Variants in MCC observed in about 807,000 individuals in gnomAD.
MCC encodes the protein colorectal mutant cancer protein.
MCC carries 90 observed loss-of-function variants against 116.2 expected under a neutral mutation model. The ratio of observed to expected loss-of-function variants is 0.77; its 90% CI spans 0.65 to 0.92. MCC has a LOEUF of 0.92. Ranked by LOEUF, MCC falls within the 40% of genes least tolerant of loss-of-function variation. MCC has a pLI of 0.00. For synonymous variants in MCC, 578 were observed against 510.5 expected (o/e 1.13, Z -1.78); for missense variants, 1,516 against 1,312.2 (o/e 1.16, Z -2.40).
intron 3 of MCC, among the ~76,000 whole-genome samples, chr5:113,171,622 T>C (rs1161731233): frequency 6.6e-6 from 1 of 152,112 alleles, no homozygotes; most frequent in Non-Finnish European, 1.5e-5. Context: ...TCTGAAATGC[T>C]GAGATTAGGG....
At chr5:113,485,429 T>C (rs574114979) in intron 1 of MCC, among the ~76,000 whole-genome samples, 10 of 152,352 alleles carry the variant, frequency 6.6e-5, no homozygotes, top group East Asian at 3.9e-4. Flanking sequence ...AGTTGAATTA[T>C]ATGCTTCCTC....
chr5:113,052,727 TG>T lies in MCC; in HGVS notation c.2448+997del, dbSNP rs1752566773. ...AACTCTGCACTGCCACGACCTGCTC[TG>T]GCTTGCTAGACTCCAGTTCCTGACC... On this transcript the variant is annotated intron_variant, in intron 15 of 18. Transcript: ENST00000408903. Among the ~76,000 whole-genome samples, 3 of 152,326 alleles carry T rather than the reference TG, an allele frequency of 2.0e-5. No individual in the cohort carries two copies. The South Asian group carries it at 6.2e-4, about 32-fold the overall frequency.
chr5:113,297,458 C>G (rs565556693), intron 3 of MCC, among the ~76,000 whole-genome samples: 1 of 151,898 alleles, frequency 6.6e-6, no homozygotes, highest in African/African-American at 2.4e-5. Context: ...CCCAGCTACT[C>G]GGGAGGCTGA....
At chr5:113,051,596 A>C (rs1209100290) in intron 15 of MCC, among the ~76,000 whole-genome samples, 2 of 152,036 alleles carry the variant, frequency 1.3e-5, no homozygotes, top group Non-Finnish European at 1.5e-5. Context: ...AGGGCAGTGC[A>C]TTCCTGTAGT....
At chr5:113,178,563 C>T (rs1410165138) in intron 3 of MCC, among the ~76,000 whole-genome samples, 1 of 152,192 alleles carries the variant, frequency 6.6e-6, no homozygotes, top group East Asian at 1.9e-4. Context: ...ATTTCCTCCT[C>T]ACCCCCAAGT....
intron 3 of MCC, among the ~76,000 whole-genome samples, chr5:113,264,997 C>T (rs74395177): frequency 0.021 from 3,134 of 152,170 alleles, 36 homozygotes; most frequent in Middle Eastern, 0.027. Flanking sequence ...GCCAAGATCA[C>T]GCCACTGCTC....
At chr5:113,054,317 G>C (rs2150223498) in intron 14 of MCC, among the ~76,000 whole-genome samples, 1 of 152,336 alleles carries the variant, frequency 6.6e-6, no homozygotes, top group African/African-American at 2.4e-5. Flanking sequence ...GGACATTACA[G>C]TGATAATTGT....
chr5:113,483,980 G>T (rs756931854), intron 1 of MCC, among the ~76,000 whole-genome samples: 7 of 152,166 alleles, frequency 4.6e-5, no homozygotes, highest in Non-Finnish European at 1.0e-4. Context: ...ACATATAAGC[G>T]GGAGCTAAAT....
At chr5:113,166,538 T>C (rs902396788) in intron 3 of MCC, among the ~76,000 whole-genome samples, 1 of 152,008 alleles carries the variant, frequency 6.6e-6, no homozygotes, top group African/African-American at 2.4e-5. Flanking sequence ...ACAGTTTAAA[T>C]GCAAACATCA....
intron 1 of MCC, among the ~76,000 whole-genome samples, chr5:113,466,948 T>G (rs901580163): frequency 2.0e-5 from 3 of 152,266 alleles, no homozygotes; most frequent in Non-Finnish European, 4.4e-5. Context: ...TGATGAGCAC[T>G]TTTTCATGTG....
intron 11 of MCC, among the ~76,000 whole-genome samples, chr5:113,078,980 C>G (rs906905542): frequency 2.6e-5 from 4 of 152,092 alleles, no homozygotes; most frequent in Non-Finnish European, 5.9e-5. Context: ...ACAAAATCAA[C>G]CTGCAAAAAT....
chr5:113,048,658 C>T (rs998912288), intron 16 of MCC: 11 of 247,184 alleles, frequency 4.5e-5, no homozygotes, highest in East Asian at 4.0e-4. Context: ...TAGGGGAAAA[C>T]GTAGAATATA....
intron 3 of MCC, among the ~76,000 whole-genome samples, chr5:113,281,530 G>C (rs921551798): frequency 6.6e-6 from 1 of 152,126 alleles, no homozygotes; most frequent in African/African-American, 2.4e-5. Flanking sequence ...AAGGTTACTG[G>C]GCACAAGAGG....
intron 3 of MCC, among the ~76,000 whole-genome samples, chr5:113,174,167 T>A (rs553487231): frequency 6.6e-6 from 1 of 152,186 alleles, no homozygotes; most frequent in African/African-American, 2.4e-5. Context: ...ATTTAGGACA[T>A]TGAGATAGCA....
chr5:113,311,996 C>T (rs1275653569), intron 3 of MCC, among the ~76,000 whole-genome samples: 1 of 152,166 alleles, frequency 6.6e-6, no homozygotes, highest in East Asian at 1.9e-4. Context: ...ATCCCAGCTA[C>T]TCAGGAGGCT....
intron 17 of MCC, among the ~76,000 whole-genome samples, chr5:113,039,721 C>CA (rs1216151506): frequency 1.4e-5 from 2 of 147,736 alleles, no homozygotes; most frequent in African/African-American, 5.1e-5. Flanking sequence ...GCCCCCCCCC[C>CA]CAACCCACCC....
intron 2 of MCC, among the ~76,000 whole-genome samples, chr5:113,369,406 A>G (rs1382398133): frequency 1.3e-5 from 2 of 152,066 alleles, no homozygotes; most frequent in East Asian, 1.9e-4. Flanking sequence ...CCAAATATAT[A>G]TTTTATAATA....
At chr5:113,134,822 T>TA (rs936069015) in intron 5 of MCC, among the ~76,000 whole-genome samples, 2 of 152,010 alleles carry the variant, frequency 1.3e-5, no homozygotes, top group Non-Finnish European at 2.9e-5. Flanking sequence ...ACACTAGGCA[T>TA]AAATAGATTA....
At chr5:113,074,717 C>T (rs180760351) in intron 11 of MCC, among the ~76,000 whole-genome samples, 35 of 152,320 alleles carry the variant, frequency 2.3e-4, no homozygotes, top group Admixed American at 1.1e-3. Flanking sequence ...CTGAAAACCA[C>T]GGCACAAGAA....
Sources: gnomAD v4.1 joint callset for allele counts (sites outside exome capture counted in the v4.1 genomes callset) on GRCh38, gnomAD v4.1.1 for gene constraint, MANE v1.5 for transcripts, NCBI Gene and HGNC (gene_info 2026-07-23, HGNC 2026-07-21) for gene names.